Variants in DLG2 observed in about 807,000 individuals in gnomAD.
DLG2 encodes the protein disks large homolog 2.
DLG2 carries 45 observed loss-of-function variants against 132.5 expected under a neutral mutation model. The observed-to-expected ratio is 0.34, with a 90% CI of 0.27 to 0.44. The LOEUF (loss-of-function observed/expected upper bound fraction) is 0.44. DLG2 is among the 20% of genes least tolerant of loss of function. DLG2 has a pLI of 1.00. For missense variants in DLG2, 1,045 were observed against 1,196.9 expected (o/e 0.87, Z 1.87); for synonymous variants, 424 against 419.6 (o/e 1.01, Z -0.13).
chr11:84,964,724 G>A (rs879878299), intron 6 of DLG2, among the ~76,000 whole-genome samples: 1 of 151,976 alleles, frequency 6.6e-6, no homozygotes, highest in Non-Finnish European at 1.5e-5. Context: ...AGTTTATGTG[G>A]GGTAAGCAAA....
At chr11:85,111,198 T>G (rs1210301106) in intron 6 of DLG2, among the ~76,000 whole-genome samples, 1 of 152,124 alleles carries the variant, frequency 6.6e-6, no homozygotes, top group Non-Finnish European at 1.5e-5. Flanking sequence ...TGGAAAATTC[T>G]CTGGTAGAAG....
intron 7 of DLG2, among the ~76,000 whole-genome samples, chr11:84,531,073 G>A (rs1396732520): frequency 6.6e-6 from 1 of 152,026 alleles, no homozygotes; most frequent in Non-Finnish European, 1.5e-5. Context: ...CCAAGATTGT[G>A]CCACTGCACT....
intron 6 of DLG2, among the ~76,000 whole-genome samples, chr11:84,996,088 A>T (rs1325371472): frequency 1.3e-5 from 2 of 151,912 alleles, no homozygotes; most frequent in Non-Finnish European, 2.9e-5. Context: ...AGCCTTTAAG[A>T]TCTTATTTAT....
intron 9 of DLG2, among the ~76,000 whole-genome samples, chr11:84,102,067 C>T (rs2092572966): frequency 6.6e-6 from 1 of 152,130 alleles, no homozygotes; most frequent in African/African-American, 2.4e-5. Flanking sequence ...CTTCACATCG[C>T]CTTCTTGACT....
chr11:83,839,272 T>C (rs1275008250), intron 16 of DLG2, among the ~76,000 whole-genome samples: 1 of 152,218 alleles, frequency 6.6e-6, no homozygotes, highest in Non-Finnish European at 1.5e-5. Context: ...GAATTTTATA[T>C]TATAGTTAAT....
intron 25 of DLG2, among the ~76,000 whole-genome samples, chr11:83,467,796 T>TAC (rs1204640231): frequency 2.8e-5 from 3 of 105,400 alleles, no homozygotes; most frequent in Non-Finnish European, 5.7e-5. Flanking sequence ...TATATATATA[T>TAC]ATATATATAT....
chr11:83,540,785 C>A lies in DLG2; in HGVS notation c.2117+897G>T, dbSNP rs145716586. Among the ~76,000 whole-genome samples the A allele has an allele frequency of 5.7e-3, 868 of 152,272 alleles. 5 individuals carry two copies. The highest frequency in any genetic ancestry group is 0.024 in the Middle Eastern group (7 of 294). ...TGAGGATCAAAGCCCTTTGAGAAATCTGCAGCTTGAGAAAAGCTAGTGCCT... is the reference window on the plus strand; with the variant it reads ...TGAGGATCAAAGCCCTTTGAGAAATATGCAGCTTGAGAAAAGCTAGTGCCT... On this transcript the variant is annotated intron_variant, in intron 20 of 27. Transcript: ENST00000376104.
At chr11:83,745,235 G>A (rs1321822148) in intron 18 of DLG2, among the ~76,000 whole-genome samples, 6 of 152,120 alleles carry the variant, frequency 3.9e-5, no homozygotes, top group African/African-American at 1.4e-4. Flanking sequence ...AACAAATTTT[G>A]TTGGTTGTGT....
intron 7 of DLG2, among the ~76,000 whole-genome samples, chr11:84,502,214 CCT>C (rs752527906): frequency 0.38 from 4,333 of 11,544 alleles, 1,269 homozygotes; most frequent in African/African-American, 0.46. Context: ...TTCCTTCCTT[CCT>C]TCCTTCCTTC....
intron 3 of DLG2, among the ~76,000 whole-genome samples, chr11:85,356,363 T>A (rs2083689944): frequency 6.6e-6 from 1 of 152,152 alleles, no homozygotes; most frequent in Non-Finnish European, 1.5e-5. Context: ...TAACAGAATT[T>A]GTCCTTTTTT....
intron 15 of DLG2, among the ~76,000 whole-genome samples, chr11:83,911,674 G>A (rs1021717088): frequency 6.6e-6 from 1 of 152,000 alleles, no homozygotes; most frequent in Non-Finnish European, 1.5e-5. Flanking sequence ...ATAATATGGA[G>A]TTATTAAATC....
At chr11:83,839,234 G>T (rs2056988822) in intron 16 of DLG2, among the ~76,000 whole-genome samples, 1 of 152,074 alleles carries the variant, frequency 6.6e-6, no homozygotes, top group African/African-American at 2.4e-5. Flanking sequence ...TTGAAACTCA[G>T]AAGATTTAAA....
chr11:84,602,339 A>T (rs2099578099), intron 6 of DLG2, among the ~76,000 whole-genome samples: 1 of 151,836 alleles, frequency 6.6e-6, no homozygotes, highest in Non-Finnish European at 1.5e-5. Context: ...AAAAAAAAAT[A>T]GGGAATTTAA....
At chr11:83,708,659 TTAAAG>T (rs2084634588) in intron 18 of DLG2, among the ~76,000 whole-genome samples, 2 of 152,256 alleles carry the variant, frequency 1.3e-5, no homozygotes. Flanking sequence ...ATGTATTTCC[TTAAAG>T]TACTGTATTT....
intron 7 of DLG2, among the ~76,000 whole-genome samples, chr11:84,343,646 C>A (rs2098525923): frequency 6.6e-6 from 1 of 151,944 alleles, no homozygotes; most frequent in African/African-American, 2.4e-5. Context: ...TTTTGTGCTT[C>A]AAAAAATGGC....
rs906488283 is a variant in DLG2, at chr11:83,786,322, A to G, written c.1825+368T>C. On this transcript the variant is annotated intron_variant, in intron 18 of 27. Transcript: ENST00000376104. ...ATGCCATGAGGAGAGAATATGGTCT[A>G]CTGGTCTATTTCTGCAGATGAAATC... 2.6e-5 allele frequency: 5 copies of G among 192,310 alleles called. 1 individual carries two copies. The South Asian group carries it at 5.5e-4, about 21-fold the overall frequency. The allele number at this position is 192,310 out of a possible 1,614,324, so 11.9% of individuals were successfully genotyped here.
intron 6 of DLG2, among the ~76,000 whole-genome samples, chr11:84,867,991 G>A (rs931475471): frequency 6.6e-6 from 1 of 151,746 alleles, no homozygotes; most frequent in Non-Finnish European, 1.5e-5. Flanking sequence ...GGAGAATGGC[G>A]TGAACCCGGG....
chr11:84,359,996 C>T (rs1265684183), intron 7 of DLG2, among the ~76,000 whole-genome samples: 1 of 151,778 alleles, frequency 6.6e-6, no homozygotes, highest in African/African-American at 2.4e-5. Context: ...AAAGAAAATG[C>T]AATTGGTAGC....
At chr11:85,522,644 G>A (rs545680381) in intron 3 of DLG2, among the ~76,000 whole-genome samples, 2 of 152,320 alleles carry the variant, frequency 1.3e-5, no homozygotes, top group East Asian at 1.9e-4. Flanking sequence ...CCCACCGTTT[G>A]CATCAGCATG....
Sources: allele counts gnomAD v4.1 joint callset (sites outside exome capture counted in the v4.1 genomes callset), GRCh38; gene constraint gnomAD v4.1.1; transcripts MANE v1.5; gene names NCBI Gene and HGNC (gene_info 2026-07-23, HGNC 2026-07-21).